PCDHA11: variants seen among roughly 807,000 people sequenced by gnomAD.
PCDHA11 encodes the protein protocadherin alpha 11.
A neutral mutation model predicts 70.3 loss-of-function variants in PCDHA11; 61 were observed. The ratio of observed to expected loss-of-function variants is 0.87; its 90% CI spans 0.71 to 1.07. PCDHA11 has a LOEUF of 1.07. Ranked by LOEUF, PCDHA11 falls within the 50% of genes least tolerant of loss-of-function variation. The pLI is 0.00. For missense variants in PCDHA11, 1,324 were observed against 1,237.5 expected, an observed-to-expected ratio of 1.07 and a Z score of -1.05; for synonymous variants, 633 against 555.1, an observed-to-expected ratio of 1.14 and a Z score of -1.97.
chr5:140,980,490 C>T (rs185528514), intron 2 of PCDHA11, among the ~76,000 whole-genome samples: 39 of 152,096 alleles, frequency 2.6e-4, no homozygotes, highest in Admixed American at 4.6e-4. Context: ...ATTAGCTGGG[C>T]GTGATGGCAT....
intron 1 of PCDHA11, among the ~76,000 whole-genome samples, chr5:140,960,717 T>TATTTTAGTCCATG (rs1244851083): frequency 3.3e-5 from 1 of 30,264 alleles, no homozygotes; most frequent in Non-Finnish European, 6.2e-5. Flanking sequence ...ATACTCATCT[T>TATTTTAGTCCATG]ATTTTAGTCC....
intron 3 of PCDHA11, among the ~76,000 whole-genome samples, chr5:140,990,571 G>A (rs996259729): frequency 6.6e-6 from 1 of 152,102 alleles, no homozygotes; most frequent in Non-Finnish European, 1.5e-5. Flanking sequence ...ACACCTGTTC[G>A]ATCTCTTTTC....
At chr5:140,902,615 G>A in intron 1 of PCDHA11, among the ~76,000 whole-genome samples, 1 of 152,010 alleles carries the variant, frequency 6.6e-6, no homozygotes, top group East Asian at 1.9e-4. Context: ...AGTTACATGG[G>A]TAAGTTATTT....
In PCDHA11 at chr5:140,882,102, C is replaced by A. The variant is rs2058951166; in HGVS notation, c.2391+10608C>A. 1.4e-5 allele frequency: 18 copies of A among 1,308,166 alleles called. No individual in the cohort carries two copies. In the South Asian group the frequency reaches 2.1e-4, roughly 16 times the overall value. 81.0% of individuals were successfully genotyped at this position (1,308,166 alleles called of 1,614,324 possible). On this transcript the variant is annotated intron_variant, in intron 1 of 3. Transcript: ENST00000398640. ...TCGCTCTTCACTGAGAACGTTTCCG[C>A]GAAGAAAGCCGCCGTTTCTTTCTTC...
At chr5:141,000,410 TATATA>T in intron 3 of PCDHA11, among the ~76,000 whole-genome samples, 1 of 101,974 alleles carries the variant, frequency 9.8e-6, no homozygotes, top group African/African-American at 3.9e-5. Context: ...TATATATATA[TATATA>T]TATATATTTT....
At chr5:140,927,306 G>A (rs782091835) in intron 1 of PCDHA11, 1 of 1,614,158 alleles carries the variant, frequency 6.2e-7, no homozygotes, top group Admixed American at 1.7e-5. Flanking sequence ...AGTTCCTGAC[G>A]CCCGGAGCCC....
At chr5:140,967,246 G>A in intron 1 of PCDHA11, 1 of 1,613,594 alleles carries the variant, frequency 6.2e-7, no homozygotes, top group Non-Finnish European at 8.5e-7. Context: ...TAAGCGAATC[G>A]GTGGCGCCTG....
intron 1 of PCDHA11, among the ~76,000 whole-genome samples, chr5:140,962,845 C>G (rs2095712902): frequency 6.6e-6 from 1 of 152,172 alleles, no homozygotes; most frequent in African/African-American, 2.4e-5. Flanking sequence ...TATTATATAA[C>G]TTGTGCTCGG....
chr5:140,977,163 AATG>A (rs1554238313), intron 1 of PCDHA11, among the ~76,000 whole-genome samples: 2 of 152,198 alleles, frequency 1.3e-5, no homozygotes, highest in Non-Finnish European at 2.9e-5. Flanking sequence ...CTTTCAGCAA[AATG>A]AGTTTGATGA....
intron 1 of PCDHA11, chr5:140,929,048 G>A (rs782818540): frequency 1.9e-5 from 31 of 1,614,088 alleles, no homozygotes; most frequent in Middle Eastern, 1.6e-4. Flanking sequence ...CAGAGCTGCT[G>A]TCGCTCTACA....
intron 1 of PCDHA11, among the ~76,000 whole-genome samples, chr5:140,945,280 A>G (rs1482777954): frequency 6.6e-6 from 1 of 152,146 alleles, no homozygotes; most frequent in Non-Finnish European, 1.5e-5. Flanking sequence ...ACTTTAAAAC[A>G]TTGATGAAAG....
At chr5:140,985,739 C>CTTTTTT (rs11372071) in intron 3 of PCDHA11, among the ~76,000 whole-genome samples, 3 of 117,922 alleles carry the variant, frequency 2.5e-5, no homozygotes, top group Non-Finnish European at 1.7e-5. Context: ...TGATGAATTC[C>CTTTTTT]TTTTTTTTTT....
At chr5:140,992,708 C>T (rs2097525816) in intron 3 of PCDHA11, among the ~76,000 whole-genome samples, 1 of 152,100 alleles carries the variant, frequency 6.6e-6, no homozygotes, top group African/African-American at 2.4e-5. Context: ...ATGTTCCTGC[C>T]AGTATTCGTA....
chr5:140,981,144 A>G (rs1245688386), intron 2 of PCDHA11, among the ~76,000 whole-genome samples: 1 of 152,238 alleles, frequency 6.6e-6, no homozygotes, highest in African/African-American at 2.4e-5. Flanking sequence ...GAGTGAGAAA[A>G]CATTGAACTT....
chr5:140,881,959 C>G (rs1012115110), intron 1 of PCDHA11: 146 of 352,464 alleles, frequency 4.1e-4, no homozygotes, highest in Non-Finnish European at 1.3e-4. Context: ...AACATTTAAT[C>G]TTCAATTACA....
intron 1 of PCDHA11, among the ~76,000 whole-genome samples, chr5:140,951,382 G>A (rs246042): frequency 0.56 from 85,615 of 151,810 alleles, 24,753 homozygotes; most frequent in African/African-American, 0.69. Context: ...CCCAAGACTC[G>A]GTAATTTATA....
chr5:140,917,797 C>T (rs1174581148), intron 1 of PCDHA11, among the ~76,000 whole-genome samples: 2 of 151,940 alleles, frequency 1.3e-5, no homozygotes, highest in African/African-American at 4.8e-5. Flanking sequence ...GTTACTGTAG[C>T]CTTGCAGTAT....
At chr5:140,883,756 G>A (rs1404911116) in intron 1 of PCDHA11, 7 of 1,612,950 alleles carry the variant, frequency 4.3e-6, no homozygotes, top group Non-Finnish European at 5.1e-6. Flanking sequence ...CGCTGGTGGA[G>A]CGGCGGGTGG....
chr5:140,927,218 A>T, intron 1 of PCDHA11: 1 of 1,614,090 alleles, frequency 6.2e-7, no homozygotes, highest in Non-Finnish European at 8.5e-7. Flanking sequence ...GAGCTGCACA[A>T]GATTCGGATT....
Sources: gnomAD v4.1 joint callset for allele counts (sites outside exome capture counted in the v4.1 genomes callset) on GRCh38, gnomAD v4.1.1 for gene constraint, MANE v1.5 for transcripts, NCBI Gene and HGNC (gene_info 2026-07-23, HGNC 2026-07-21) for gene names.